GLRA1: variants seen among roughly 807,000 people sequenced by gnomAD.
The protein encoded by GLRA1 is glycine receptor subunit alpha-1.
A neutral mutation model predicts 48.3 loss-of-function variants in GLRA1; 37 were observed. The ratio of observed to expected loss-of-function variants is 0.77; its 90% confidence interval spans 0.59 to 1.01. The LOEUF (loss-of-function observed/expected upper bound fraction) is 1.01. Among genes scored for constraint, GLRA1 ranks in the 50% least tolerant of loss-of-function variants. The pLI is 0.00. For synonymous variants in GLRA1, 196 were observed against 210.7 expected (o/e 0.93, Z 0.60); for missense variants, 427 against 571.0 (o/e 0.75, Z 2.57).
chr5:151,894,122 C>A (rs1037321838), intron 1 of GLRA1, among the ~76,000 whole-genome samples: 1 of 152,052 alleles, frequency 6.6e-6, no homozygotes, highest in African/African-American at 2.4e-5. Context: ...GGAGGAAATG[C>A]ATAGAGATAT....
chr5:151,898,009 A>G (rs1754264959), intron 1 of GLRA1, among the ~76,000 whole-genome samples: 2 of 152,148 alleles, frequency 1.3e-5, no homozygotes, highest in South Asian at 4.1e-4. Flanking sequence ...ACTTCTAATG[A>G]CAGAGACCAT....
chr5:151,843,921 G>T (rs1752586361), intron 7 of GLRA1, among the ~76,000 whole-genome samples: 1 of 152,178 alleles, frequency 6.6e-6, no homozygotes, highest in South Asian at 2.1e-4. Context: ...TGTAATCCTA[G>T]CACTTTGGGA....
chr5:151,823,433 T>C (rs1450188212), intron 8 of GLRA1, among the ~76,000 whole-genome samples: 1 of 152,194 alleles, frequency 6.6e-6, no homozygotes, highest in Admixed American at 6.5e-5. Context: ...TTTGGACAGA[T>C]CCCCTGCTTT....
At chr5:151,892,229 A>C in intron 2 of GLRA1, 82 bp downstream of exon 2, 2 of 1,260,382 alleles carry the variant, frequency 1.6e-6, no homozygotes, top group Non-Finnish European at 1.2e-6. Flanking sequence ...CGTATTTACC[A>C]TCTGCGTGCA....
At chr5:151,884,166 C>T (rs1005941308) in intron 3 of GLRA1, among the ~76,000 whole-genome samples, 10 of 152,094 alleles carry the variant, frequency 6.6e-5, no homozygotes, top group Non-Finnish European at 1.0e-4. Flanking sequence ...CAGTGGCTCA[C>T]GTCTGTAATC....
rs140962659 is a variant in GLRA1, at chr5:151,850,271, T to C, written c.912+1119A>G. 7.7e-3 allele frequency: 12,327 copies of C among 1,604,688 alleles called. 105 individuals carry two copies. The highest frequency in any genetic ancestry group is 7.4e-3 in the Non-Finnish European group (8,699 of 1,174,366). On this transcript the variant is annotated intron_variant, in intron 7 of 8. Transcript: ENST00000274576. ...TGGGTACTAATGCTGAGGTCATGCC[T>C]GCCCAGTGGGAATTTCAAACCGGAC...
At chr5:151,825,649 A>T (rs1194546959) in intron 8 of GLRA1, among the ~76,000 whole-genome samples, 1 of 152,222 alleles carries the variant, frequency 6.6e-6, no homozygotes, top group Non-Finnish European at 1.5e-5. Context: ...AGTTGCTAGT[A>T]GTATGCCTGC....
chr5:151,906,797 G>A (rs968079828), intron 1 of GLRA1, among the ~76,000 whole-genome samples: 1 of 152,200 alleles, frequency 6.6e-6, no homozygotes, highest in East Asian at 1.9e-4. Flanking sequence ...TTAATAGGTG[G>A]AATGGTAGGA....
intron 3 of GLRA1, among the ~76,000 whole-genome samples, chr5:151,863,228 C>T (rs1753248658): frequency 6.6e-6 from 1 of 152,038 alleles, no homozygotes. Flanking sequence ...CATGATGATA[C>T]CTCATTTCTA....
At chr5:151,875,166 G>T (rs1230509915) in intron 3 of GLRA1, among the ~76,000 whole-genome samples, 1 of 151,400 alleles carries the variant, frequency 6.6e-6, no homozygotes, top group Non-Finnish European at 1.5e-5. Flanking sequence ...TTTATGTTTG[G>T]GTATAAAGGG....
intron 3 of GLRA1, among the ~76,000 whole-genome samples, chr5:151,865,041 A>C (rs1428067373): frequency 1.3e-5 from 2 of 152,210 alleles, no homozygotes; most frequent in African/African-American, 4.8e-5. Flanking sequence ...CTGTTAAAAG[A>C]AGTTAGGCTA....
chr5:151,885,308 G>A (rs989737680), intron 3 of GLRA1, among the ~76,000 whole-genome samples: 2 of 152,222 alleles, frequency 1.3e-5, no homozygotes, highest in African/African-American at 4.8e-5. Context: ...CACAGGAAAT[G>A]AAACAAGATA....
At chr5:151,831,860 C>T (rs1051725705) in intron 7 of GLRA1, among the ~76,000 whole-genome samples, 3 of 152,212 alleles carry the variant, frequency 2.0e-5, no homozygotes, top group Non-Finnish European at 2.9e-5. Flanking sequence ...GGAGAGACAC[C>T]TCCCTGCAGG....
intron 1 of GLRA1, among the ~76,000 whole-genome samples, chr5:151,923,432 C>A (rs1260897922): frequency 6.6e-6 from 1 of 152,084 alleles, no homozygotes; most frequent in East Asian, 1.9e-4. Context: ...GACTGTTAAT[C>A]CAATGCCACA....
chr5:151,860,810 T>C (rs543437768), intron 3 of GLRA1, among the ~76,000 whole-genome samples: 51 of 152,336 alleles, frequency 3.3e-4, no homozygotes, highest in African/African-American at 1.2e-3. Context: ...ATGTGCCATG[T>C]TGGTGTGCTG....
intron 3 of GLRA1, among the ~76,000 whole-genome samples, chr5:151,867,335 C>T (rs987854011): frequency 3.3e-5 from 5 of 151,952 alleles, no homozygotes; most frequent in Non-Finnish European, 5.9e-5. Context: ...ACAAGGCCAG[C>T]GATATGCTCT....
chr5:151,826,586 A>G (rs1303542709), intron 8 of GLRA1, among the ~76,000 whole-genome samples: 3 of 152,176 alleles, frequency 2.0e-5, no homozygotes, highest in African/African-American at 4.8e-5. Flanking sequence ...CATCAGTTGC[A>G]TGGAAGGAGT....
intron 2 of GLRA1, among the ~76,000 whole-genome samples, chr5:151,888,892 A>G (rs965857504): frequency 4.6e-5 from 7 of 152,172 alleles, no homozygotes; most frequent in Non-Finnish European, 1.0e-4. Context: ...TGTTGAGTGG[A>G]AGTCTGCCTC....
At chr5:151,897,051 G>A (rs1287536949) in intron 1 of GLRA1, among the ~76,000 whole-genome samples, 1 of 152,150 alleles carries the variant, frequency 6.6e-6, no homozygotes, top group East Asian at 1.9e-4. Context: ...ATGATTTATT[G>A]TTATTATGTC....
Sources: allele counts gnomAD v4.1 joint callset (sites outside exome capture counted in the v4.1 genomes callset), GRCh38; gene constraint gnomAD v4.1.1; transcripts MANE v1.5; gene names NCBI Gene and HGNC (gene_info 2026-07-23, HGNC 2026-07-21).